Variants in PPP1R12B observed in about 807,000 individuals in gnomAD.
The protein encoded by PPP1R12B is protein phosphatase 1 regulatory subunit 12B.
In PPP1R12B, 76 loss-of-function variants were observed where a neutral mutation model predicts 126.1. The ratio of observed to expected loss-of-function variants is 0.60; its 90% confidence interval spans 0.50 to 0.73. The LOEUF (loss-of-function observed/expected upper bound fraction) is 0.73, where lower values mean the gene tolerates loss of function less well. PPP1R12B is among the 30% of genes least tolerant of loss of function. The pLI, the probability that PPP1R12B is intolerant of heterozygous loss-of-function variation, is 0.00. For missense variants in PPP1R12B, 1,052 were observed against 1,205.1 expected (o/e 0.87, Z 1.88); for synonymous variants, 356 against 434.7 (o/e 0.82, Z 2.25).
intron 1 of PPP1R12B, among the ~76,000 whole-genome samples, chr1:202,391,617 A>G (rs1007680763): frequency 6.8e-6 from 1 of 146,042 alleles, no homozygotes; most frequent in African/African-American, 2.5e-5. Context: ...TAAATGAATT[A>G]TCTTCAGGTG....
rs557512303 is a variant in PPP1R12B at position 202,352,124 on chromosome 1, G to C, written c.291+2982G>C. On this transcript the variant is annotated intron_variant, in intron 1 of 23. Transcript: ENST00000608999. ...GTGTTGTCCTAGAGTCCTTAACAAG[G>C]TATTAATCTGATTATAGAACCCTTG... Among the ~76,000 whole-genome samples the C allele has an allele frequency of 8.5e-5, 13 of 152,268 alleles. No homozygotes were observed. In the South Asian group the frequency reaches 2.7e-3, roughly 32 times the overall value.
intron 23 of PPP1R12B, among the ~76,000 whole-genome samples, chr1:202,573,228 T>C (rs937531847): frequency 6.6e-6 from 1 of 152,192 alleles, no homozygotes; most frequent in African/African-American, 2.4e-5. Context: ...ATCCTCACCA[T>C]GGCCAAGATG....
chr1:202,458,125 G>GT (rs1558253868), intron 13 of PPP1R12B, among the ~76,000 whole-genome samples: 1 of 151,208 alleles, frequency 6.6e-6, no homozygotes, highest in Non-Finnish European at 1.5e-5. Context: ...TAGTAGTTTT[G>GT]TTTTTCAAAG....
intron 1 of PPP1R12B, among the ~76,000 whole-genome samples, chr1:202,413,702 A>G (rs1667693626): frequency 6.6e-6 from 1 of 152,220 alleles, no homozygotes. Context: ...ATGTTAATAT[A>G]AATTACATAT....
chr1:202,521,507 A>G (rs1682786384), intron 18 of PPP1R12B, among the ~76,000 whole-genome samples: 1 of 152,200 alleles, frequency 6.6e-6, no homozygotes, highest in Admixed American at 6.5e-5. Context: ...TGAAACAAGA[A>G]GAGAAAGCTG....
intron 18 of PPP1R12B, among the ~76,000 whole-genome samples, chr1:202,529,444 G>GA (rs1208689123): frequency 1.3e-5 from 2 of 152,064 alleles, no homozygotes; most frequent in Non-Finnish European, 2.9e-5. Flanking sequence ...ATTTCTAGAT[G>GA]AATCATACAT....
intron 13 of PPP1R12B, among the ~76,000 whole-genome samples, chr1:202,470,540 T>C (rs977972844): frequency 2.6e-5 from 4 of 152,240 alleles, no homozygotes; most frequent in Non-Finnish European, 5.9e-5. Flanking sequence ...GCAGTATCAC[T>C]GCTAACATCT....
chr1:202,443,927 CTATT>C (rs965595057), intron 12 of PPP1R12B, among the ~76,000 whole-genome samples: 8 of 152,142 alleles, frequency 5.3e-5, no homozygotes, highest in African/African-American at 1.9e-4. Flanking sequence ...CAGGCTGCCT[CTATT>C]TAGGATCAAA....
chr1:202,500,873 AAG>A lies in PPP1R12B; in HGVS notation c.2490+4056_2490+4057del, dbSNP rs2148871446. On this transcript the variant is annotated intron_variant, in intron 18 of 23. Transcript: ENST00000608999. Reference sequence around the variant, plus strand: ...AATGCATCAATTTAAAATTTTTAAAAAGAGAGTATGTGATAGACTAGTCATGC... The same window carrying A: ...AATGCATCAATTTAAAATTTTTAAAAAGAGTATGTGATAGACTAGTCATGC... Among the ~76,000 whole-genome samples, 2 of 152,382 alleles carry A rather than the reference AAG, an allele frequency of 1.3e-5. 1 individual carries two copies. The highest frequency in any genetic ancestry group is 4.1e-4 in the South Asian group (2 of 4,832).
At chr1:202,449,466 C>T (rs1342814565) in intron 13 of PPP1R12B, among the ~76,000 whole-genome samples, 2 of 151,552 alleles carry the variant, frequency 1.3e-5, no homozygotes, top group Non-Finnish European at 2.9e-5. Flanking sequence ...TTAGTAGAGA[C>T]GGGGTTTCAC....
chr1:202,577,938 G>T (rs760846901), intron 23 of PPP1R12B, among the ~76,000 whole-genome samples: 2 of 152,190 alleles, frequency 1.3e-5, no homozygotes, highest in Non-Finnish European at 2.9e-5. Flanking sequence ...ATAAAGCTTT[G>T]CTAAACTTCA....
At chr1:202,495,076 A>G (rs1394544616) in intron 15 of PPP1R12B, among the ~76,000 whole-genome samples, 1 of 150,692 alleles carries the variant, frequency 6.6e-6, no homozygotes, top group African/African-American at 2.4e-5. Context: ...TGGGATTCTC[A>G]GAGTAGGAGT....
At chr1:202,408,685 T>C (rs1290604328) in intron 1 of PPP1R12B, among the ~76,000 whole-genome samples, 1 of 152,154 alleles carries the variant, frequency 6.6e-6, no homozygotes, top group Non-Finnish European at 1.5e-5. Flanking sequence ...CTGGTATATA[T>C]ACATTGCATG....
chr1:202,509,626 C>T (rs1415909196), intron 18 of PPP1R12B, among the ~76,000 whole-genome samples: 2 of 152,128 alleles, frequency 1.3e-5, no homozygotes, highest in Non-Finnish European at 2.9e-5. Flanking sequence ...TGGAAGAGTG[C>T]CTGTCAGAAG....
At chr1:202,374,172 CT>C (rs1660761852) in intron 1 of PPP1R12B, among the ~76,000 whole-genome samples, 1 of 152,110 alleles carries the variant, frequency 6.6e-6, no homozygotes, top group Non-Finnish European at 1.5e-5. Flanking sequence ...TCCTTGAAGG[CT>C]TTTAGGTACC....
intron 23 of PPP1R12B, among the ~76,000 whole-genome samples, chr1:202,580,177 A>C (rs1484163528): frequency 1.3e-5 from 2 of 152,242 alleles, no homozygotes; most frequent in Non-Finnish European, 2.9e-5. Context: ...CTGATTCAGT[A>C]GAATGAAAGG....
intron 1 of PPP1R12B, among the ~76,000 whole-genome samples, chr1:202,415,446 T>G (rs1257223402): frequency 6.6e-6 from 1 of 152,256 alleles, no homozygotes; most frequent in African/African-American, 2.4e-5. Context: ...AGTTTTAGCC[T>G]TGTTTTTTAA....
At chr1:202,373,609 T>TTTTTAACCAGAACA (rs1660670245) in intron 1 of PPP1R12B, among the ~76,000 whole-genome samples, 2 of 152,152 alleles carry the variant, frequency 1.3e-5, no homozygotes, top group Non-Finnish European at 2.9e-5. Context: ...CAGGTCTTCA[T>TTTTTAACCAGAACA]TTTTAACCAG....
Position 202,580,692 on chromosome 1 carries a change from C to T in PPP1R12B, c.*132C>T, listed in dbSNP as rs138098373. Reference sequence around the variant, plus strand: ...GGACACTTCTTTCTATCACCCTCTTCAGTCACCTCTATACACTCTACATTT... The same window carrying T: ...GGACACTTCTTTCTATCACCCTCTTTAGTCACCTCTATACACTCTACATTT... On this transcript the variant is annotated 3_prime_UTR_variant, in exon 24 of 24. Coordinates refer to ENST00000608999, the MANE Select transcript of PPP1R12B (RefSeq NM_002481.4). 2,236 of 726,882 alleles carry T rather than the reference C, an allele frequency of 3.1e-3. 17 individuals are homozygous for T. Among genetic ancestry groups the T allele is most frequent in the Middle Eastern group, 0.012 (44 of 3,760 alleles). 45.0% of individuals were successfully genotyped at this position (726,882 alleles called of 1,614,324 possible).
Sources: allele counts gnomAD v4.1 joint callset (sites outside exome capture counted in the v4.1 genomes callset), GRCh38; gene constraint gnomAD v4.1.1; transcripts MANE v1.5; gene names NCBI Gene and HGNC (gene_info 2026-07-23, HGNC 2026-07-21).